Variants in USP15 observed in about 807,000 individuals in gnomAD.
USP15 encodes the protein ubiquitin specific peptidase 15.
USP15 carries 18 observed loss-of-function variants against 127.1 expected under a neutral mutation model. The observed-to-expected ratio is 0.14, with a 90% CI of 0.10 to 0.21. The LOEUF (loss-of-function observed/expected upper bound fraction) is 0.21, where lower values mean the gene tolerates loss of function less well. USP15 is among the 10% of genes least tolerant of loss of function. USP15 has a pLI of 1.00. For missense variants in USP15, 805 were observed against 1,159.9 expected (o/e 0.69, Z 4.44); for synonymous variants, 364 against 393.7 (o/e 0.92, Z 0.89).
chr12:62,379,567 T>C (rs564045441), intron 8 of USP15, among the ~76,000 whole-genome samples: 1 of 152,276 alleles, frequency 6.6e-6, no homozygotes, highest in East Asian at 1.9e-4. Flanking sequence ...AGTTTAAGAA[T>C]TACTCAGGTT....
intron 6 of USP15, among the ~76,000 whole-genome samples, chr12:62,346,220 A>G (rs1460692899): frequency 6.6e-6 from 1 of 152,212 alleles, no homozygotes; most frequent in Non-Finnish European, 1.5e-5. Context: ...AGATAATATT[A>G]AAAAGAAATA....
At chr12:62,317,854 C>G (rs2064875437) in intron 4 of USP15, among the ~76,000 whole-genome samples, 2 of 152,132 alleles carry the variant, frequency 1.3e-5, no homozygotes, top group Non-Finnish European at 2.9e-5. Flanking sequence ...CAAATGTTTT[C>G]TGCCAAAATT....
chr12:62,320,930 T>G (rs1219085817), intron 4 of USP15, among the ~76,000 whole-genome samples: 4 of 152,126 alleles, frequency 2.6e-5, no homozygotes, highest in Non-Finnish European at 2.9e-5. Flanking sequence ...AGACGTGACT[T>G]TACTTTGAAA....
intron 1 of USP15, among the ~76,000 whole-genome samples, chr12:62,264,136 C>T (rs920376390): frequency 2.6e-5 from 4 of 152,124 alleles, no homozygotes; most frequent in African/African-American, 9.7e-5. Context: ...AGGCACATGC[C>T]ACCACGCCCA....
intron 4 of USP15, 36 bp downstream of exon 4, chr12:62,314,952 C>A: frequency 6.7e-7 from 1 of 1,484,376 alleles, no homozygotes; most frequent in South Asian, 1.4e-5. Flanking sequence ...TAATCCATTG[C>A]TATTAGATAT....
At chr12:62,371,470 G>A (rs546369702) in intron 8 of USP15, among the ~76,000 whole-genome samples, 1 of 152,102 alleles carries the variant, frequency 6.6e-6, no homozygotes, top group Non-Finnish European at 1.5e-5. Context: ...AGATAATTCT[G>A]GTCAACAATA....
chr12:62,293,684 A>G (rs2064043016), intron 1 of USP15, among the ~76,000 whole-genome samples: 1 of 152,096 alleles, frequency 6.6e-6, no homozygotes, highest in African/African-American at 2.4e-5. Context: ...TCTGAAGAGA[A>G]CTGGAACTTG....
At chr12:62,314,003 A>G (rs1194918858) in intron 3 of USP15, 5 of 897,074 alleles carry the variant, frequency 5.6e-6, no homozygotes, top group African/African-American at 3.6e-5. Context: ...AACAGTATTC[A>G]TGACTGAAAT....
intron 8 of USP15, among the ~76,000 whole-genome samples, chr12:62,374,198 A>G (rs1354983449): frequency 6.6e-6 from 1 of 152,064 alleles, no homozygotes; most frequent in Admixed American, 6.6e-5. Flanking sequence ...TTTTTAAATC[A>G]TAACAAACTA....
intron 8 of USP15, among the ~76,000 whole-genome samples, chr12:62,369,109 A>G (rs1356331960): frequency 6.6e-6 from 1 of 152,230 alleles, no homozygotes; most frequent in African/African-American, 2.4e-5. Context: ...AGGTAGACAT[A>G]TAAATAAGAT....
At chr12:62,367,818 T>C (rs2066527711) in intron 8 of USP15, among the ~76,000 whole-genome samples, 1 of 152,226 alleles carries the variant, frequency 6.6e-6, no homozygotes, top group Non-Finnish European at 1.5e-5. Context: ...CCTTCAGTTC[T>C]GCTCTGATCT....
Position 62,404,226 on chromosome 12 carries a change from C to G in USP15, c.2797C>G (p.Gln933Glu), listed in dbSNP as rs1179812537. The change falls in exon 22 of 22, where the codon CAA becomes GAA. Residue 933 changes from glutamine to glutamate, a missense_variant. By Grantham distance (29) the Gln-to-Glu change is conservative (BLOSUM62 2). This residue lies in a region of USP15 where 116 missense variants were observed against 157.2 expected (regional missense o/e 0.74). Coordinates refer to ENST00000280377, the MANE Select transcript of USP15 (RefSeq NM_001252078.2). ...AGCATATGTACTCTTCTACCAGAGA[C>G]AAGACACTTTCAGTGGAACTGGCTT... ...KAAYVLFYQR[Q>E]DTFSGTGFFP... The G allele has an allele frequency of 6.2e-7, 1 of 1,612,962 alleles. No individual in the cohort carries two copies. Among genetic ancestry groups the G allele is most frequent in the African/African-American group, 1.3e-5 (1 of 74,858 alleles).
At chr12:62,271,736 G>A (rs1205273690) in intron 1 of USP15, among the ~76,000 whole-genome samples, 1 of 151,842 alleles carries the variant, frequency 6.6e-6, no homozygotes, top group Non-Finnish European at 1.5e-5. Flanking sequence ...TTAGTATGGA[G>A]AGACATACAC....
chr12:62,334,383 T>A (rs2065395769), intron 6 of USP15, among the ~76,000 whole-genome samples: 1 of 152,172 alleles, frequency 6.6e-6, no homozygotes. Context: ...TCAAATATTA[T>A]ATGTAAAAGT....
chr12:62,378,070 G>C (rs1033201494), intron 8 of USP15, among the ~76,000 whole-genome samples: 4 of 145,612 alleles, frequency 2.7e-5, no homozygotes, highest in Non-Finnish European at 5.9e-5. Context: ...AGCCAGGTGC[G>C]GTGGTGGGCG....
In USP15 at chr12:62,305,698, T is replaced by C. The variant is rs1483107380; in HGVS notation, c.348+2778T>C. ...AGTTGAAAATGTGTATAGAATTAAC[T>C]ACACAATAGTGTTAGCATGTAAGTT... On this transcript the variant is annotated intron_variant, in intron 3 of 21. Coordinates refer to ENST00000280377, the MANE Select transcript of USP15 (RefSeq NM_001252078.2). 9 of 152,298 alleles carry C rather than the reference T, an allele frequency of 5.9e-5. No homozygotes were observed. The East Asian group carries it at 1.7e-3, about 29-fold the overall frequency. 9.4% of individuals were successfully genotyped at this position (152,298 alleles called of 1,614,324 possible). A position where few individuals can be genotyped will look rare whatever the true frequency, so the allele number is the denominator to read the frequency against.
At chr12:62,291,597 AATT>A (rs1348835248) in intron 1 of USP15, among the ~76,000 whole-genome samples, 1 of 152,214 alleles carries the variant, frequency 6.6e-6, no homozygotes, top group Non-Finnish European at 1.5e-5. Context: ...AAACTTCCAG[AATT>A]ATTACACTGG....
At chr12:62,383,801 GTTC>G in intron 9 of USP15, 36 bp from the exon 10 acceptor site, 1 of 1,590,270 alleles carries the variant, frequency 6.3e-7, no homozygotes, top group Non-Finnish European at 8.5e-7. Flanking sequence ...AATCAACCCT[GTTC>G]CTAGAACTGA....
At chr12:62,328,273 TC>T in intron 6 of USP15, 1 of 452,866 alleles carries the variant, frequency 2.2e-6, no homozygotes, top group Non-Finnish European at 4.4e-6. Flanking sequence ...AGATCAGCAA[TC>T]TTTTTTAAAT....
Sources: allele counts gnomAD v4.1 joint callset (sites outside exome capture counted in the v4.1 genomes callset), GRCh38; gene constraint gnomAD v4.1.1; regional missense constraint gnomAD v4.1.1; transcripts MANE v1.5; gene names NCBI Gene and HGNC (gene_info 2026-07-23, HGNC 2026-07-21).